GALNTL6: variants seen among roughly 807,000 people sequenced by gnomAD.
GALNTL6 encodes the protein polypeptide N-acetylgalactosaminyltransferase-like 6.
A neutral mutation model predicts 73.7 loss-of-function variants in GALNTL6; 46 were observed. The ratio of observed to expected loss-of-function variants is 0.62; its 90% CI spans 0.49 to 0.80. The LOEUF is 0.80. Among genes scored for constraint, GALNTL6 ranks in the 30% least tolerant of loss-of-function variants. The pLI is 0.00. For missense variants in GALNTL6, 604 were observed against 755.0 expected, an observed-to-expected ratio of 0.80 and a Z score of 2.34; for synonymous variants, 259 against 263.7, an observed-to-expected ratio of 0.98 and a Z score of 0.17.
chr4:171,942,815 A>T (rs2111016601), intron 2 of GALNTL6, among the ~76,000 whole-genome samples: 1 of 152,284 alleles, frequency 6.6e-6, no homozygotes, highest in East Asian at 1.9e-4. Flanking sequence ...GTCTGATGTG[A>T]TGGTTGTTTG....
chr4:172,707,324 A>G (rs1194668101), intron 5 of GALNTL6, among the ~76,000 whole-genome samples: 1 of 152,196 alleles, frequency 6.6e-6, no homozygotes, highest in East Asian at 1.9e-4. Context: ...TGTTTGTTGT[A>G]GCAGTGACAA....
At chr4:171,925,957 AT>A (rs1178688209) in intron 2 of GALNTL6, among the ~76,000 whole-genome samples, 2 of 152,090 alleles carry the variant, frequency 1.3e-5, no homozygotes, top group Non-Finnish European at 2.9e-5. Context: ...TAAATTCATT[AT>A]TTAAATTTTC....
At chr4:172,755,075 A>C (rs903638034) in intron 5 of GALNTL6, among the ~76,000 whole-genome samples, 1 of 152,078 alleles carries the variant, frequency 6.6e-6, no homozygotes, top group South Asian at 2.1e-4. Flanking sequence ...ACTTACTAAT[A>C]CTATTTTTAT....
At chr4:172,831,998 C>T (rs1157931771) in intron 7 of GALNTL6, among the ~76,000 whole-genome samples, 2 of 152,198 alleles carry the variant, frequency 1.3e-5, no homozygotes, top group South Asian at 4.1e-4. Context: ...CTCTATGGTA[C>T]TTTGCCAGAG....
chr4:172,316,932 TGAA>T (rs1740580656), intron 4 of GALNTL6, among the ~76,000 whole-genome samples: 3 of 151,864 alleles, frequency 2.0e-5, no homozygotes, highest in Non-Finnish European at 1.5e-5. Context: ...CAGAAAAAAA[TGAA>T]GAAGGAGCTG....
intron 2 of GALNTL6, among the ~76,000 whole-genome samples, chr4:172,135,682 A>G (rs530895152): frequency 6.6e-6 from 1 of 152,176 alleles, no homozygotes; most frequent in Non-Finnish European, 1.5e-5. Flanking sequence ...TTACATACAT[A>G]AGATTTTTCA....
chr4:172,328,366 T>C (rs1355109221), intron 4 of GALNTL6, among the ~76,000 whole-genome samples: 1 of 152,214 alleles, frequency 6.6e-6, no homozygotes, highest in African/African-American at 2.4e-5. Flanking sequence ...ATTATGTGTA[T>C]TGAGGATTTT....
chr4:171,996,217 A>G (rs1740479294), intron 2 of GALNTL6, among the ~76,000 whole-genome samples: 1 of 152,156 alleles, frequency 6.6e-6, no homozygotes, highest in East Asian at 1.9e-4. Context: ...TTTATTTGGT[A>G]TATGGAAAAT....
chr4:172,418,550 G>A lies in GALNTL6; in HGVS notation c.553+69861G>A, dbSNP rs972174639. 6.6e-5 allele frequency among the ~76,000 whole-genome samples: 10 copies of A among 152,282 alleles called. 1 individual carries two copies. In the South Asian group the frequency reaches 1.9e-3, roughly 28 times the overall value. ...AAGTCAACCCACAGCCTGAGGCTGA[G>A]GGAATAGCCAAATCCAGCCTAGATC... On this transcript the variant is annotated intron_variant, in intron 5 of 12. Coordinates refer to ENST00000506823, the MANE Select transcript of GALNTL6 (RefSeq NM_001034845.3).
intron 2 of GALNTL6, among the ~76,000 whole-genome samples, chr4:172,204,568 T>C: frequency 6.6e-6 from 1 of 152,192 alleles, no homozygotes; most frequent in East Asian, 1.9e-4. Flanking sequence ...TTAATAATAT[T>C]GTGTATTCTA....
intron 5 of GALNTL6, among the ~76,000 whole-genome samples, chr4:172,407,489 G>T (rs188757710): frequency 2.6e-5 from 4 of 152,004 alleles, no homozygotes; most frequent in Non-Finnish European, 5.9e-5. Context: ...TTTCTTTCTT[G>T]GGCATTACTG....
chr4:172,273,073 C>T (rs1008933102), intron 3 of GALNTL6, among the ~76,000 whole-genome samples: 16 of 152,048 alleles, frequency 1.1e-4, no homozygotes, highest in Non-Finnish European at 2.1e-4. Flanking sequence ...ATAGATCCCT[C>T]TAAGAAACTG....
At chr4:171,850,117 C>A (rs565952215) in intron 2 of GALNTL6, among the ~76,000 whole-genome samples, 1 of 152,272 alleles carries the variant, frequency 6.6e-6, no homozygotes, top group South Asian at 2.1e-4. Context: ...AGGCGCGTGC[C>A]AACACACTGG....
At chr4:172,560,692 T>G (rs1736321944) in intron 5 of GALNTL6, among the ~76,000 whole-genome samples, 1 of 152,174 alleles carries the variant, frequency 6.6e-6, no homozygotes, top group Non-Finnish European at 1.5e-5. Flanking sequence ...TCTGTTTCAT[T>G]TTTCTCCATT....
At chr4:172,584,917 C>G (rs1175195472) in intron 5 of GALNTL6, among the ~76,000 whole-genome samples, 1 of 152,024 alleles carries the variant, frequency 6.6e-6, no homozygotes, top group Non-Finnish European at 1.5e-5. Flanking sequence ...TGAGGAACAC[C>G]AACATGTAAT....
intron 3 of GALNTL6, among the ~76,000 whole-genome samples, chr4:172,250,786 C>G (rs982767422): frequency 9.2e-5 from 14 of 152,118 alleles, no homozygotes; most frequent in African/African-American, 3.4e-4. Context: ...CAGACTGATA[C>G]AGCCATGGTT....
chr4:172,327,196 T>C (rs992387203), intron 4 of GALNTL6, among the ~76,000 whole-genome samples: 2 of 152,090 alleles, frequency 1.3e-5, no homozygotes, highest in Admixed American at 1.3e-4. Context: ...GGCCATGTAA[T>C]TGCATGGTTT....
intron 10 of GALNTL6, among the ~76,000 whole-genome samples, chr4:172,994,371 A>AAACAGT (rs1751681493): frequency 1.3e-5 from 2 of 152,186 alleles, no homozygotes; most frequent in South Asian, 4.1e-4. Context: ...TTAGGTCCCC[A>AAACAGT]TTAGTTTGAT....
At chr4:171,883,405 A>G (rs1363257249) in intron 2 of GALNTL6, among the ~76,000 whole-genome samples, 1 of 152,096 alleles carries the variant, frequency 6.6e-6, no homozygotes, top group African/African-American at 2.4e-5. Flanking sequence ...TGGACAGGGA[A>G]CATGTCTTTT....
Sources: allele counts gnomAD v4.1 joint callset (sites outside exome capture counted in the v4.1 genomes callset), GRCh38; gene constraint gnomAD v4.1.1; transcripts MANE v1.5; gene names NCBI Gene and HGNC (gene_info 2026-07-23, HGNC 2026-07-21).